Variants in LPP observed in about 807,000 individuals in gnomAD.
LPP encodes LIM domain containing preferred translocation partner in lipoma, also known as lipoma-preferred partner.
A neutral mutation model predicts 60.4 loss-of-function variants in LPP; 38 were observed. That is an observed-to-expected ratio of 0.63 (90% confidence interval 0.49 to 0.83). The LOEUF (loss-of-function observed/expected upper bound fraction) is 0.83, where lower values mean the gene tolerates loss of function less well. LPP is among the 40% of genes least tolerant of loss of function. LPP has a pLI of 0.00. For synonymous variants in LPP, 328 were observed against 290.8 expected (o/e 1.13, Z -1.30); for missense variants, 902 against 783.6 (o/e 1.15, Z -1.80).
intron 2 of LPP, among the ~76,000 whole-genome samples, chr3:188,321,536 A>T (rs1756959101): frequency 1.3e-5 from 2 of 152,230 alleles, no homozygotes; most frequent in Admixed American, 1.3e-4. Context: ...TTCAACAGCC[A>T]TAATTTTCAT....
chr3:188,860,818 A>T (rs575979101), intron 9 of LPP, among the ~76,000 whole-genome samples: 1 of 152,200 alleles, frequency 6.6e-6, no homozygotes, highest in East Asian at 1.9e-4. Flanking sequence ...TAAGATCTTA[A>T]CATGTTTTCT....
At chr3:188,794,029 T>C (rs1744610437) in intron 9 of LPP, among the ~76,000 whole-genome samples, 1 of 152,206 alleles carries the variant, frequency 6.6e-6, no homozygotes, top group Non-Finnish European at 1.5e-5. Context: ...AGGCAATGAA[T>C]TCAGCCTGAT....
chr3:188,371,642 T>TATATATATATATA (rs1553878070), intron 3 of LPP, among the ~76,000 whole-genome samples: 13 of 16,214 alleles, frequency 8.0e-4, no homozygotes, highest in East Asian at 3.0e-3. Flanking sequence ...TATATATATA[T>TATATATATATATA]TTTTTTTTTT....
intron 7 of LPP, among the ~76,000 whole-genome samples, chr3:188,656,631 C>T (rs1274529557): frequency 6.6e-6 from 1 of 152,180 alleles, no homozygotes; most frequent in East Asian, 1.9e-4. Flanking sequence ...TGACCCATTT[C>T]CTGGTGGTTA....
At chr3:188,515,029 T>A (rs955383093) in intron 5 of LPP, among the ~76,000 whole-genome samples, 6 of 152,168 alleles carry the variant, frequency 3.9e-5, no homozygotes, top group Admixed American at 3.9e-4. Context: ...TAATGTAAAT[T>A]GTGAGGAAAA....
At chr3:188,308,562 C>T (rs918717201) in intron 2 of LPP, among the ~76,000 whole-genome samples, 2 of 152,098 alleles carry the variant, frequency 1.3e-5, no homozygotes, top group Non-Finnish European at 2.9e-5. Flanking sequence ...ACCGAACAAT[C>T]GAAACCAACT....
chr3:188,303,684 G>A (rs1750648651), intron 2 of LPP, among the ~76,000 whole-genome samples: 1 of 152,154 alleles, frequency 6.6e-6, no homozygotes, highest in African/African-American at 2.4e-5. Flanking sequence ...GGCACTTGTG[G>A]TGAATAATGA....
At chr3:188,371,253 G>A (rs530698891) in intron 3 of LPP, among the ~76,000 whole-genome samples, 1 of 151,690 alleles carries the variant, frequency 6.6e-6, no homozygotes, top group Admixed American at 6.6e-5. Context: ...CCACTATGGG[G>A]GTCATTAATT....
chr3:188,457,802 GGGAGGCTGAGGCA>G (rs554083974), intron 4 of LPP, among the ~76,000 whole-genome samples: 208 of 151,560 alleles, frequency 1.4e-3, no homozygotes, highest in African/African-American at 4.9e-3. Flanking sequence ...CCAGCTACCT[GGGAGGCTGAGGCA>G]GGAGAATCGC....
At chr3:188,625,197 T>C (rs868206210) in intron 7 of LPP, among the ~76,000 whole-genome samples, 10 of 152,184 alleles carry the variant, frequency 6.6e-5, no homozygotes, top group African/African-American at 1.9e-4. Context: ...GGGAAATTCA[T>C]TGATATTTAG....
chr3:188,395,716 A>G (rs1241663732), intron 3 of LPP, among the ~76,000 whole-genome samples: 3 of 152,284 alleles, frequency 2.0e-5, no homozygotes, highest in Admixed American at 2.0e-4. Context: ...GCTTGAGCCC[A>G]GGAGTTCGAG....
chr3:188,593,946 C>G (rs1263605691), intron 6 of LPP, among the ~76,000 whole-genome samples: 1 of 152,108 alleles, frequency 6.6e-6, no homozygotes, highest in African/African-American at 2.4e-5. Flanking sequence ...TTCTTTTCCT[C>G]TGGGTAGATA....
chr3:188,680,349 C>T (rs1170055197), intron 7 of LPP, among the ~76,000 whole-genome samples: 1 of 152,172 alleles, frequency 6.6e-6, no homozygotes, highest in East Asian at 1.9e-4. Flanking sequence ...TGATTTGAAG[C>T]CACATACTGT....
intron 2 of LPP, among the ~76,000 whole-genome samples, chr3:188,248,336 A>G (rs1475552262): frequency 6.6e-6 from 1 of 151,886 alleles, no homozygotes; most frequent in Non-Finnish European, 1.5e-5. Flanking sequence ...AGCAAGGAAT[A>G]TATTTCATTG....
At chr3:188,250,794 C>CTGTCTG (rs1553835809) in intron 2 of LPP, among the ~76,000 whole-genome samples, 2 of 114,128 alleles carry the variant, frequency 1.8e-5, no homozygotes, top group East Asian at 2.5e-4. Context: ...TTCTGTCTTT[C>CTGTCTG]TCTTTCTTTC....
intron 2 of LPP, among the ~76,000 whole-genome samples, chr3:188,252,031 GATATATATATATATATATAT>G (rs10579787): frequency 0.021 from 868 of 41,428 alleles, 14 homozygotes; most frequent in African/African-American, 0.028. Context: ...TTTTAATCCT[GATATATATATATATATATAT>G]ATATATATAT....
At chr3:188,873,585 A>ATTT (rs11394319) in intron 11 of LPP, among the ~76,000 whole-genome samples, 27 of 148,952 alleles carry the variant, frequency 1.8e-4, no homozygotes, top group Admixed American at 6.7e-4. Flanking sequence ...AGTTCTTTGC[A>ATTT]TTTTTTTTTT....
chr3:188,765,297 A>AACACACACACACACAC (rs60149759), intron 9 of LPP, among the ~76,000 whole-genome samples: 2 of 144,070 alleles, frequency 1.4e-5, no homozygotes, highest in Admixed American at 7.0e-5. Context: ...TGTCTCACAC[A>AACACACACACACACAC]ACACACACAC....
intron 9 of LPP, among the ~76,000 whole-genome samples, chr3:188,844,491 A>G (rs1162153301): frequency 6.6e-6 from 1 of 152,270 alleles, no homozygotes; most frequent in Non-Finnish European, 1.5e-5. Flanking sequence ...TGTCCCTAGC[A>G]TGAAAAAATA....
Sources: gnomAD v4.1 joint callset for allele counts (sites outside exome capture counted in the v4.1 genomes callset) on GRCh38, gnomAD v4.1.1 for gene constraint, MANE v1.5 for transcripts, NCBI Gene and HGNC (gene_info 2026-07-23, HGNC 2026-07-21) for gene names.